UQCC1: variants seen among roughly 807,000 people sequenced by gnomAD.
UQCC1 encodes bFGF-repressed Zic-binding protein.
UQCC1 carries 38 observed loss-of-function variants against 48.0 expected under a neutral mutation model. The ratio of observed to expected loss-of-function variants is 0.79; its 90% CI spans 0.61 to 1.04. The LOEUF is 1.04. Among genes scored for constraint, UQCC1 ranks in the 50% least tolerant of loss-of-function variants. The probability of loss-of-function intolerance (pLI) is 0.00; values close to 1 mark genes in which losing one functional copy is unlikely to be tolerated. For synonymous variants in UQCC1, 111 were observed against 129.2 expected, an observed-to-expected ratio of 0.86 and a Z score of 0.95; for missense variants, 368 against 381.8, an observed-to-expected ratio of 0.96 and a Z score of 0.30.
intron 6 of UQCC1, among the ~76,000 whole-genome samples, chr20:35,349,992 CAACAAACA>C (rs11474405): frequency 1.3e-4 from 20 of 150,208 alleles, no homozygotes; most frequent in South Asian, 4.2e-4. Flanking sequence ...GACCCTGTCT[CAACAAACA>C]AACAAACAAA....
chr20:35,383,549 G>C (rs929498204), intron 3 of UQCC1, among the ~76,000 whole-genome samples: 1 of 152,016 alleles, frequency 6.6e-6, no homozygotes, highest in Non-Finnish European at 1.5e-5. Flanking sequence ...CACTCCACCA[G>C]GGTAACAGAG....
At chr20:35,403,234 A>G (rs1256542053) in intron 1 of UQCC1, among the ~76,000 whole-genome samples, 1 of 152,204 alleles carries the variant, frequency 6.6e-6, no homozygotes, top group African/African-American at 2.4e-5. Context: ...GTTAACAAAT[A>G]TGGCAAGGCA....
At chr20:35,306,170 A>G (rs1316182392) in intron 9 of UQCC1, among the ~76,000 whole-genome samples, 1 of 152,138 alleles carries the variant, frequency 6.6e-6, no homozygotes, top group African/African-American at 2.4e-5. Flanking sequence ...TGAGAAACTG[A>G]AGTGGGGGGA....
At chr20:35,389,487 C>T (rs1209942934) in intron 2 of UQCC1, among the ~76,000 whole-genome samples, 3 of 150,934 alleles carry the variant, frequency 2.0e-5, no homozygotes, top group East Asian at 2.0e-4. Context: ...CACTTGAACC[C>T]GGGAGGCGGA....
At chr20:35,325,949 T>C (rs1245031536) in intron 7 of UQCC1, among the ~76,000 whole-genome samples, 1 of 151,752 alleles carries the variant, frequency 6.6e-6, no homozygotes, top group Non-Finnish European at 1.5e-5. Context: ...GGGCAGTTTG[T>C]GTGAGATTGT....
chr20:35,307,229 G>A (rs756729424), intron 8 of UQCC1: 55 of 250,760 alleles, frequency 2.2e-4, no homozygotes, highest in Admixed American at 1.5e-3. Context: ...CATGGACTGT[G>A]CCTTCTTGCT....
intron 6 of UQCC1, among the ~76,000 whole-genome samples, chr20:35,356,804 T>C (rs971337220): frequency 2.0e-5 from 3 of 151,984 alleles, no homozygotes; most frequent in Non-Finnish European, 4.4e-5. Flanking sequence ...TCCTCACAAG[T>C]ACAGTAATTT....
At chr20:35,404,932 A>G (rs1471599192) in intron 1 of UQCC1, among the ~76,000 whole-genome samples, 2 of 152,242 alleles carry the variant, frequency 1.3e-5, no homozygotes, top group African/African-American at 4.8e-5. Context: ...AGATGTCCAC[A>G]GAGGCTTAGA....
intron 6 of UQCC1, among the ~76,000 whole-genome samples, chr20:35,364,145 T>C (rs552968078): frequency 2.0e-4 from 30 of 152,356 alleles, no homozygotes; most frequent in Admixed American, 9.8e-4. Flanking sequence ...TTCTATCTTT[T>C]GCTCCTATTA....
chr20:35,382,130 A>G (rs2061877932), intron 3 of UQCC1, 105 bp from the exon 4 acceptor site: 1 of 646,606 alleles, frequency 1.5e-6, no homozygotes, highest in African/African-American at 1.8e-5. Context: ...AAATACAGTC[A>G]GGGTCTCCTC....
At chr20:35,377,442 G>T (rs1480448129) in intron 4 of UQCC1, among the ~76,000 whole-genome samples, 1 of 152,128 alleles carries the variant, frequency 6.6e-6, no homozygotes, top group Non-Finnish European at 1.5e-5. Context: ...TAATAATTTG[G>T]CCTTGACAGG....
intron 7 of UQCC1, among the ~76,000 whole-genome samples, chr20:35,341,542 A>G (rs1161784527): frequency 5.3e-5 from 8 of 152,240 alleles, no homozygotes; most frequent in Admixed American, 5.2e-4. Context: ...GAAAGGGGCA[A>G]TAACAGGCAC....
At chr20:35,411,155 T>G (rs1440558390) in intron 1 of UQCC1, among the ~76,000 whole-genome samples, 1 of 152,186 alleles carries the variant, frequency 6.6e-6, no homozygotes, top group Non-Finnish European at 1.5e-5. Context: ...GATTAAAAAC[T>G]AAGCTCTGTA....
Position 35,314,713 on chromosome 20 carries a change from T to A in UQCC1, c.626A>T (p.Tyr209Phe). Residue 209 changes from tyrosine to phenylalanine, a missense_variant, in exon 8 of 10, where the codon TAT becomes TTT. By Grantham distance (22) the Tyr-to-Phe change is conservative. Coordinates refer to ENST00000374385, the MANE Select transcript of UQCC1 (RefSeq NM_018244.5). ...KNMILMTNHFYAAILGYDEGI... is the reference protein window; with the variant it reads ...KNMILMTNHFFAAILGYDEGI... ...CTCATCATATCCCAAGATCGCTGCA[T>A]AGAAATGATTTGTCATGAGGATCAT... The A allele has an allele frequency of 1.9e-6, 3 of 1,608,938 alleles. No homozygotes were observed. The highest frequency in any genetic ancestry group is 1.7e-6 in the Non-Finnish European group (2 of 1,176,040).
At chr20:35,317,836 C>T (rs1332550956) in intron 7 of UQCC1, among the ~76,000 whole-genome samples, 1 of 152,230 alleles carries the variant, frequency 6.6e-6, no homozygotes, top group Non-Finnish European at 1.5e-5. Context: ...TTCTTCTTCG[C>T]CTTTCTTTCC....
At chr20:35,382,119 T>A (rs1460271759) in intron 3 of UQCC1, 94 bp from the exon 4 acceptor site, 54 of 709,260 alleles carry the variant, frequency 7.6e-5, no homozygotes, top group Middle Eastern at 2.8e-4. Flanking sequence ...ATTTTTTTTT[T>A]AAATACAGTC....
In UQCC1 at chr20:35,400,527, G is replaced by A. The variant is rs1248768764; in HGVS notation, c.25-6331C>T. On this transcript the variant is annotated intron_variant, in intron 1 of 9. Transcript: ENST00000374385. ...TTTTTTTTTTTTGAGACGGAGTCTCGCTCCGTTGCCCAGGCTGGAGTGCAG... is the reference window on the plus strand; with the variant it reads ...TTTTTTTTTTTTGAGACGGAGTCTCACTCCGTTGCCCAGGCTGGAGTGCAG... Among the ~76,000 whole-genome samples the A allele has an allele frequency of 4.2e-5, 6 of 144,086 alleles. No individual in the cohort carries two copies. In the South Asian group the frequency reaches 6.5e-4, roughly 16 times the overall value. The allele number at this position is 144,086 out of a possible 152,430, so 94.5% of individuals were successfully genotyped here. A position where few individuals can be genotyped will look rare whatever the true frequency, so the allele number is the denominator to read the frequency against.
chr20:35,410,693 A>G (rs1257947280), intron 1 of UQCC1, among the ~76,000 whole-genome samples: 12 of 129,866 alleles, frequency 9.2e-5, no homozygotes, highest in African/African-American at 3.5e-4. Flanking sequence ...CGACAGAGCA[A>G]GACTCTGCCT....
chr20:35,318,824 G>C (rs1369994488), intron 7 of UQCC1, among the ~76,000 whole-genome samples: 1 of 152,192 alleles, frequency 6.6e-6, no homozygotes, highest in Non-Finnish European at 1.5e-5. Context: ...AGCAGCCAAG[G>C]GGAGCAGGAT....
Sources: allele counts gnomAD v4.1 joint callset (sites outside exome capture counted in the v4.1 genomes callset), GRCh38; gene constraint gnomAD v4.1.1; transcripts MANE v1.5; gene names NCBI Gene and HGNC (gene_info 2026-07-23, HGNC 2026-07-21).